DOCK9: variants seen among roughly 807,000 people sequenced by gnomAD.
DOCK9 encodes the protein dedicator of cytokinesis 9.
In DOCK9, 89 loss-of-function variants were observed where a neutral mutation model predicts 263.3. The observed-to-expected ratio is 0.34, with a 90% CI of 0.28 to 0.40. The LOEUF (loss-of-function observed/expected upper bound fraction) is 0.40. Ranked by LOEUF, DOCK9 falls within the 10% of genes least tolerant of loss-of-function variation. The probability of loss-of-function intolerance (pLI) is 1.00; values close to 1 mark genes in which losing one functional copy is unlikely to be tolerated. For missense variants in DOCK9, 2,140 were observed against 2,603.4 expected (o/e 0.82, Z 3.87); for synonymous variants, 976 against 973.1 (o/e 1.00, Z -0.06).
rs1888110933 is a variant in DOCK9 at position 99,038,288 on chromosome 13, C to CCGCTTTTTTTTTTTTTTTTTTTTTTTTTT, written c.129+47934_129+47935insAAAAAAAAAAAAAAAAAAAAAAAAAAGCG. Among the ~76,000 whole-genome samples, 2 of 86,264 alleles carry CCGCTTTTTTTTTTTTTTTTTTTTTTTTTT rather than the reference C, an allele frequency of 2.3e-5. 1 individual carries two copies. The allele number at this position is 86,264 out of a possible 152,430, so 56.6% of individuals were successfully genotyped here. On this transcript the variant is annotated intron_variant, in intron 1 of 32. Transcript: ENST00000427887. ...GCTGAAAAACTGGCTTTATGCCCCC[C>CCGCTTTTTTTTTTTTTTTTTTTTTTTTTT]TTTTTTTTTTTTTTTTTTTTTTTTT...
At position 99,086,180 on chromosome 13, in the gene DOCK9, G is replaced by T. The variant is rs533590989; in HGVS notation, c.129+43C>A. The stretch of plus-strand genomic sequence containing the variant: ...CGGCCCGGGGCCCGCAGCTGCCTGC[G>T]CCCCCGCCATCCTCCCCCGGCCCGC... On this transcript the variant is annotated intron_variant, in intron 1 of 32. Coordinates refer to the DOCK9 transcript ENST00000427887. The T allele has an allele frequency of 1.7e-4, 242 of 1,455,608 alleles. No homozygotes were observed. The African/African-American group carries it at 3.2e-3, about 19-fold the overall frequency. 90.2% of individuals were successfully genotyped at this position (1,455,608 alleles called of 1,614,324 possible).
At chr13:99,074,079 A>C (rs2041807203) in intron 1 of DOCK9, among the ~76,000 whole-genome samples, 1 of 152,234 alleles carries the variant, frequency 6.6e-6, no homozygotes, top group Non-Finnish European at 1.5e-5. Flanking sequence ...CTGCATTTTC[A>C]CTACAAGATA....
At chr13:98,952,859 T>C (rs1043979512) in intron 2 of DOCK9, among the ~76,000 whole-genome samples, 2 of 152,256 alleles carry the variant, frequency 1.3e-5, no homozygotes, top group African/African-American at 4.8e-5. Flanking sequence ...TGCTAAATTA[T>C]TTAAGTGCAG....
intron 1 of DOCK9, among the ~76,000 whole-genome samples, chr13:98,986,687 T>C (rs116409632): frequency 2.5e-3 from 378 of 152,292 alleles, no homozygotes; most frequent in African/African-American, 8.8e-3. Flanking sequence ...TCCAAGCTCA[T>C]TGTAACTGAT....
At chr13:98,977,657 T>G in intron 1 of DOCK9, 127 bp downstream of exon 1, 4 of 752,070 alleles carry the variant, frequency 5.3e-6, no homozygotes, top group East Asian at 2.9e-5. Context: ...AAGAGTGGAG[T>G]TCACAAGGGA....
chr13:98,824,463 G>T lies in DOCK9; in HGVS notation c.5065C>A (p.Pro1689Thr). 6.2e-7 allele frequency: 1 copy of T among 1,613,878 alleles called. No individual in the cohort carries two copies. Among genetic ancestry groups the T allele is most frequent in the South Asian group, 1.1e-5 (1 of 91,078 alleles). Residue 1689 changes from proline (P) to threonine (T), a missense_variant, in exon 45 of 53, where the codon CCA (proline) becomes ACA (threonine). Physicochemically the swap from Pro to Thr is conservative, Grantham distance 38. This residue lies in a region of DOCK9 where 619 missense variants were observed against 861.8 expected (regional missense o/e 0.72). Transcript: ENST00000682017. ...QGCTAFRVIT[P>T]NIDEEASMME... ...ATGGAGGCCTCCTCGTCGATGTTTGGGGTAATGACCCTGAAGGCGGTGCAT... is the reference window on the plus strand; with the variant it reads ...ATGGAGGCCTCCTCGTCGATGTTTGTGGTAATGACCCTGAAGGCGGTGCAT...
Position 98,793,830 on chromosome 13 carries a change from G to C in DOCK9, c.*796C>G, listed in dbSNP as rs1316498552. ...AAAGTGTATTGCATATACTGGAACA[G>C]CACAAATTTATCACAATTAAACTTA... On this transcript the variant is annotated 3_prime_UTR_variant, in exon 53 of 53. Transcript: ENST00000682017. 2.0e-5 allele frequency: 3 copies of C among 152,576 alleles called. No homozygotes were observed. Among genetic ancestry groups the C allele is most frequent in the African/African-American group, 7.2e-5 (3 of 41,424 alleles). 9.5% of individuals were successfully genotyped at this position (152,576 alleles called of 1,614,324 possible).
chr13:99,059,816 T>C (rs1432794463), intron 1 of DOCK9, among the ~76,000 whole-genome samples: 1 of 152,038 alleles, frequency 6.6e-6, no homozygotes, highest in Non-Finnish European at 1.5e-5. Context: ...TCACTCTCCA[T>C]GCCCCTCCCT....
intron 2 of DOCK9, among the ~76,000 whole-genome samples, chr13:98,938,034 T>G (rs980046705): frequency 3.9e-5 from 6 of 152,276 alleles, no homozygotes; most frequent in South Asian, 2.1e-4. Context: ...TTCCTGCTTC[T>G]ATCATCACTC....
intron 33 of DOCK9, chr13:98,860,080 C>G: frequency 1.3e-6 from 1 of 761,346 alleles, no homozygotes. Context: ...CTCCCCCCAC[C>G]ACCTGCAAAA....
intron 15 of DOCK9, among the ~76,000 whole-genome samples, chr13:98,897,091 T>C (rs2047556547): frequency 6.6e-6 from 1 of 152,174 alleles, no homozygotes; most frequent in African/African-American, 2.4e-5. Context: ...TATCTTAGAC[T>C]ATTACCACCC....
intron 38 of DOCK9, among the ~76,000 whole-genome samples, chr13:98,842,777 TA>T (rs898079050): frequency 6.6e-6 from 1 of 152,238 alleles, no homozygotes; most frequent in Non-Finnish European, 1.5e-5. Flanking sequence ...CAAATTACAC[TA>T]AATATGTCAA....
At position 98,902,357 on chromosome 13, in the gene DOCK9, A is replaced by G; in HGVS notation, c.1311T>C (p.Asn437=). Residue 437 remains asparagine (N), a synonymous_variant, in exon 12 of 53, where the codon AAT becomes AAC. Transcript: ENST00000682017. ...MLATTSPALM[N]GSGQSPSVLK... is the part of the protein sequence containing the mutation. The stretch of plus-strand genomic sequence containing the variant: ...GGACAGATGGGCTCTGCCCACTGCC[A>G]TTCATCAGCGCCGGGGACGTGGTGG... The G allele has an allele frequency of 1.2e-6, 2 of 1,614,050 alleles. No individual in the cohort carries two copies. Among genetic ancestry groups the G allele is most frequent in the Non-Finnish European group, 1.7e-6 (2 of 1,179,888 alleles).
chr13:98,826,375 C>G (rs990112469), intron 44 of DOCK9, among the ~76,000 whole-genome samples: 1 of 152,210 alleles, frequency 6.6e-6, no homozygotes. Flanking sequence ...TCCTCGCCCC[C>G]TCTCCTTCCT....
At chr13:98,993,740 C>T (rs1473410529) in intron 1 of DOCK9, among the ~76,000 whole-genome samples, 1 of 151,670 alleles carries the variant, frequency 6.6e-6, no homozygotes, top group East Asian at 1.9e-4. Context: ...GACTCCGTCT[C>T]AAAAAATAAA....
chr13:99,015,399 A>G lies in DOCK9; in HGVS notation c.130-59848T>C, dbSNP rs746888377. On this transcript the variant is annotated intron_variant, in intron 1 of 32. Transcript: ENST00000427887. ...TTTGTTTACAAGTAAAGACTAGTTT[A>G]TTCTAACACCATTAAACTACTTGTT... 2.7e-6 allele frequency: 4 copies of G among 1,464,868 alleles called. No homozygotes were observed. The South Asian group carries it at 5.4e-5, about 20-fold the overall frequency. 90.7% of individuals were successfully genotyped at this position (1,464,868 alleles called of 1,614,324 possible).
At chr13:98,930,923 C>T (rs928522165) in intron 2 of DOCK9, among the ~76,000 whole-genome samples, 2 of 152,220 alleles carry the variant, frequency 1.3e-5, no homozygotes, top group Non-Finnish European at 2.9e-5. Flanking sequence ...GGATTACAGG[C>T]GTGAGCCACC....
At chr13:98,888,808 TA>T in intron 15 of DOCK9, 97 bp from the exon 16 acceptor site, 1 of 1,060,580 alleles carries the variant, frequency 9.4e-7, no homozygotes, top group Non-Finnish European at 1.4e-6. Context: ...AAGCAAGCCA[TA>T]AAGACAATTT....
At chr13:99,032,208 C>T (rs549941270) in intron 1 of DOCK9, among the ~76,000 whole-genome samples, 45 of 152,208 alleles carry the variant, frequency 3.0e-4, no homozygotes, top group African/African-American at 9.2e-4. Flanking sequence ...CGGTGGCTCA[C>T]GCCTGTAATC....
Sources: gnomAD v4.1 joint callset for allele counts (sites outside exome capture counted in the v4.1 genomes callset) on GRCh38, gnomAD v4.1.1 for gene constraint, gnomAD v4.1.1 regional missense constraint, MANE v1.5 for transcripts, NCBI Gene and HGNC (gene_info 2026-07-23, HGNC 2026-07-21) for gene names.